ROBO2: variants seen among roughly 807,000 people sequenced by gnomAD.
The protein encoded by ROBO2 is roundabout homolog 2.
Under a neutral mutation model 160.8 loss-of-function variants are expected in ROBO2, and 53 were observed. The observed-to-expected ratio is 0.33, with a 90% CI of 0.26 to 0.41. ROBO2 has a LOEUF of 0.41. Ranked by LOEUF, ROBO2 falls within the 10% of genes least tolerant of loss-of-function variation. The pLI is 1.00. For missense variants in ROBO2, 1,577 were observed against 1,722.4 expected (o/e 0.92, Z 1.49); for synonymous variants, 664 against 611.7 (o/e 1.09, Z -1.26).
intron 2 of ROBO2, among the ~76,000 whole-genome samples, chr3:76,894,647 T>A (rs934278749): frequency 1.3e-5 from 2 of 152,174 alleles, no homozygotes; most frequent in African/African-American, 4.8e-5. Flanking sequence ...ATCATAGTTC[T>A]CATTTGAGTA....
intron 2 of ROBO2, among the ~76,000 whole-genome samples, chr3:76,161,771 T>C (rs1022566188): frequency 6.6e-6 from 1 of 152,198 alleles, no homozygotes; most frequent in Non-Finnish European, 1.5e-5. Flanking sequence ...GTAAAATTTA[T>C]TCCATTTCAC....
At chr3:77,580,209 A>G (rs2093879181) in intron 16 of ROBO2, 91 bp downstream of exon 17, 1 of 1,152,958 alleles carries the variant, frequency 8.7e-7, no homozygotes, top group Non-Finnish European at 1.3e-6. Context: ...TAGTGAATAT[A>G]CACTTATGAA....
chr3:76,871,783 G>T (rs923515848), intron 2 of ROBO2, among the ~76,000 whole-genome samples: 1 of 152,068 alleles, frequency 6.6e-6, no homozygotes, highest in East Asian at 1.9e-4. Context: ...CCACTGGCTG[G>T]CTAATGTGAC....
chr3:76,426,562 A>C (rs2076228491), intron 2 of ROBO2, among the ~76,000 whole-genome samples: 1 of 152,222 alleles, frequency 6.6e-6, no homozygotes, highest in Non-Finnish European at 1.5e-5. Context: ...TCACAAAATC[A>C]GACCGTAAGG....
At chr3:76,955,827 C>G (rs2079210084) in intron 2 of ROBO2, among the ~76,000 whole-genome samples, 2 of 149,554 alleles carry the variant, frequency 1.3e-5, no homozygotes, top group African/African-American at 4.9e-5. Flanking sequence ...ATTCAGGAGG[C>G]TGAAGCAGGA....
intron 2 of ROBO2, among the ~76,000 whole-genome samples, chr3:76,025,276 C>T (rs2066705432): frequency 6.6e-6 from 1 of 151,542 alleles, no homozygotes. Flanking sequence ...TAGTCAGAAA[C>T]ATTCACAAAG....
intron 2 of ROBO2, among the ~76,000 whole-genome samples, chr3:76,295,507 A>G (rs1709024175): frequency 6.6e-6 from 1 of 152,190 alleles, no homozygotes; most frequent in South Asian, 2.1e-4. Flanking sequence ...CCTGTTTTCC[A>G]CATCTGAAAA....
intron 2 of ROBO2, among the ~76,000 whole-genome samples, chr3:77,219,671 G>A (rs1390109525): frequency 6.6e-6 from 1 of 151,140 alleles, no homozygotes; most frequent in Non-Finnish European, 1.5e-5. Flanking sequence ...TCAGTTTGCT[G>A]ATTTGTAAAA....
intron 2 of ROBO2, among the ~76,000 whole-genome samples, chr3:76,273,649 C>T (rs1351342505): frequency 6.6e-6 from 1 of 151,960 alleles, no homozygotes; most frequent in African/African-American, 2.4e-5. Flanking sequence ...AACTCACTCA[C>T]GATCATGAGA....
At chr3:77,525,815 C>T (rs569448980) in intron 6 of ROBO2, among the ~76,000 whole-genome samples, 2 of 149,794 alleles carry the variant, frequency 1.3e-5, no homozygotes, top group South Asian at 4.2e-4. Context: ...CAATATCCTA[C>T]ACTCAAAACG....
At chr3:77,287,179 C>T (rs1231266073) in intron 2 of ROBO2, among the ~76,000 whole-genome samples, 1 of 152,192 alleles carries the variant, frequency 6.6e-6, no homozygotes, top group East Asian at 1.9e-4. Flanking sequence ...GCTATATGCA[C>T]ACTTACTAAC....
chr3:76,334,317 C>T (rs933313623), intron 2 of ROBO2, among the ~76,000 whole-genome samples: 7 of 152,164 alleles, frequency 4.6e-5, no homozygotes, highest in African/African-American at 1.7e-4. Context: ...GTATTTATCA[C>T]AGCATCCCCC....
chr3:77,216,357 G>T (rs62251855), intron 2 of ROBO2, among the ~76,000 whole-genome samples: 1 of 152,280 alleles, frequency 6.6e-6, no homozygotes, highest in South Asian at 2.1e-4. Context: ...GACTCCGTGG[G>T]CATAGGACCC....
chr3:76,646,548 A>G (rs966540133), intron 2 of ROBO2, among the ~76,000 whole-genome samples: 1 of 152,238 alleles, frequency 6.6e-6, no homozygotes, highest in Non-Finnish European at 1.5e-5. Context: ...AAATATTATT[A>G]ACCTCTTGGT....
chr3:76,583,962 C>A (rs1485680188), intron 2 of ROBO2, among the ~76,000 whole-genome samples: 3 of 152,082 alleles, frequency 2.0e-5, no homozygotes, highest in Admixed American at 2.0e-4. Context: ...TGTTTTTCTT[C>A]TTCATGTAAA....
chr3:77,610,383 T>C (rs1220282152), intron 21 of ROBO2, among the ~76,000 whole-genome samples: 1 of 151,856 alleles, frequency 6.6e-6, no homozygotes, highest in African/African-American at 2.4e-5. Context: ...CACACACACA[T>C]GCACACACAC....
At chr3:76,366,918 C>A (rs1424988111) in intron 2 of ROBO2, among the ~76,000 whole-genome samples, 2 of 151,746 alleles carry the variant, frequency 1.3e-5, no homozygotes, top group Admixed American at 6.6e-5. Flanking sequence ...AAATTATAAC[C>A]AAAAGCATAT....
chr3:77,008,702 T>C (rs113250292), intron 2 of ROBO2, among the ~76,000 whole-genome samples: 10 of 152,124 alleles, frequency 6.6e-5, no homozygotes, highest in African/African-American at 2.4e-4. Context: ...GTTAGAGATA[T>C]AGAATTGGAA....
chr3:76,567,795 G>GTA lies in ROBO2; in HGVS notation c.110-530218_110-530217insAT, dbSNP rs1425533829. Among the ~76,000 whole-genome samples the GTA allele has an allele frequency of 4.8e-3, 378 of 78,992 alleles. 4 individuals carry two copies. The highest frequency in any genetic ancestry group is 0.017 in the African/African-American group (333 of 19,752). The allele number at this position is 78,992 out of a possible 152,430, so 51.8% of individuals were successfully genotyped here. ...TGTGTGTGTGTGTGTGTGTGTGTGT[G>GTA]TGTATATATATATTTTTTTTTTTTT... On this transcript the variant is annotated intron_variant, in intron 2 of 26. Coordinates refer to the ROBO2 transcript ENST00000487694.
Sources: allele counts gnomAD v4.1 joint callset (sites outside exome capture counted in the v4.1 genomes callset), GRCh38; gene constraint gnomAD v4.1.1; transcripts MANE v1.5; gene names NCBI Gene and HGNC (gene_info 2026-07-23, HGNC 2026-07-21).